CRTAC1: variants seen among roughly 807,000 people sequenced by gnomAD.
CRTAC1 encodes the protein cartilage acidic protein 1, also known as acidic secreted protein in cartilage.
A neutral mutation model predicts 67.8 loss-of-function variants in CRTAC1; 37 were observed. The observed-to-expected ratio is 0.55, with a 90% CI of 0.42 to 0.72. CRTAC1 has a LOEUF of 0.72. Ranked by LOEUF, CRTAC1 falls within the 30% of genes least tolerant of loss-of-function variation. The pLI is 0.00. For synonymous variants in CRTAC1, 348 were observed against 371.0 expected (o/e 0.94, Z 0.71); for missense variants, 780 against 931.6 (o/e 0.84, Z 2.12).
rs2050101544 is a variant in CRTAC1, at chr10:97,872,244, C to G, written c.1820-6530G>C. On this transcript the variant is annotated intron_variant, in intron 14 of 14. Transcript: ENST00000370597. Reference sequence around the variant, plus strand: ...TATACAGATGTGTCATCTGCAGACCCCTAGGGCAAGGTGCCACTGAGAAGC... The same window carrying G: ...TATACAGATGTGTCATCTGCAGACCGCTAGGGCAAGGTGCCACTGAGAAGC... Among the ~76,000 whole-genome samples the G allele has an allele frequency of 2.0e-5, 3 of 152,192 alleles. No homozygotes were observed. In the South Asian group the frequency reaches 6.2e-4, roughly 32 times the overall value.
chr10:97,885,131 C>T (rs1168406402), intron 11 of CRTAC1, among the ~76,000 whole-genome samples: 2 of 152,110 alleles, frequency 1.3e-5, no homozygotes, highest in Non-Finnish European at 2.9e-5. Context: ...CTGGGGGTTG[C>T]CAGGGCCTTG....
At chr10:97,952,206 G>T (rs191501772) in intron 2 of CRTAC1, among the ~76,000 whole-genome samples, 1,939 of 152,030 alleles carry the variant, frequency 0.013, 47 homozygotes, top group African/African-American at 0.043. Flanking sequence ...CAAAAAATTA[G>T]CCAGGTGTGG....
At chr10:97,903,569 T>C (rs2050570400) in intron 7 of CRTAC1, among the ~76,000 whole-genome samples, 3 of 152,032 alleles carry the variant, frequency 2.0e-5, no homozygotes, top group African/African-American at 7.3e-5. Context: ...GGGTGGCCTC[T>C]TCTTGGTTAC....
intron 11 of CRTAC1, among the ~76,000 whole-genome samples, chr10:97,888,122 G>A (rs1009919354): frequency 2.0e-5 from 3 of 152,134 alleles, no homozygotes; most frequent in Non-Finnish European, 4.4e-5. Flanking sequence ...CCTATCCCAC[G>A]CCCAGCAGCC....
intron 2 of CRTAC1, among the ~76,000 whole-genome samples, chr10:98,006,589 T>C (rs1013012858): frequency 1.3e-5 from 2 of 152,046 alleles, no homozygotes; most frequent in African/African-American, 4.8e-5. Flanking sequence ...TCAAAATCAA[T>C]GCTGTCAATA....
At chr10:98,012,973 C>T (rs145621305) in intron 1 of CRTAC1, among the ~76,000 whole-genome samples, 52 of 152,268 alleles carry the variant, frequency 3.4e-4, no homozygotes, top group African/African-American at 1.2e-3. Context: ...TGCAACTTGG[C>T]AGGAACTTTG....
rs116075710 is a variant in CRTAC1 at position 97,974,491 on chromosome 10, A to G, written c.224+36647T>C. On this transcript the variant is annotated intron_variant, in intron 2 of 14. Transcript: ENST00000370597. ...AGCGTCTGAATAGAATTGTGTATCC[A>G]GGACTGGCAAGTCAGCCTCTTTCGA... Among the ~76,000 whole-genome samples, 548 of 152,352 alleles carry G rather than the reference A, an allele frequency of 3.6e-3. 10 individuals are homozygous for G. Among genetic ancestry groups the G allele is most frequent in the African/African-American group, 0.013 (526 of 41,590 alleles).
intron 11 of CRTAC1, among the ~76,000 whole-genome samples, chr10:97,893,889 T>G (rs2050413513): frequency 6.6e-6 from 1 of 152,220 alleles, no homozygotes; most frequent in Admixed American, 6.5e-5. Flanking sequence ...CTTTTCTCAC[T>G]CACCATAGTG....
chr10:98,017,971 C>T (rs1445100230), intron 1 of CRTAC1, among the ~76,000 whole-genome samples: 3 of 151,466 alleles, frequency 2.0e-5, no homozygotes, highest in South Asian at 2.1e-4. Context: ...CCGAGGCAGG[C>T]GGATTGCTTG....
intron 2 of CRTAC1, among the ~76,000 whole-genome samples, chr10:97,986,711 AG>A (rs2051988509): frequency 6.6e-6 from 1 of 152,226 alleles, no homozygotes; most frequent in South Asian, 2.1e-4. Context: ...TTTTGCTACA[AG>A]ATGACAACAA....
At chr10:97,907,713 G>A (rs530358967) in intron 6 of CRTAC1, among the ~76,000 whole-genome samples, 2 of 152,258 alleles carry the variant, frequency 1.3e-5, no homozygotes, top group East Asian at 3.9e-4. Flanking sequence ...AGGATAGGTT[G>A]ATGCTGAGAG....
chr10:97,994,058 T>C (rs916394327), intron 2 of CRTAC1, among the ~76,000 whole-genome samples: 2 of 152,122 alleles, frequency 1.3e-5, no homozygotes, highest in Non-Finnish European at 2.9e-5. Context: ...GGTTTCACCG[T>C]GCTGGCCAGG....
chr10:97,949,617 C>T (rs1378475920), intron 2 of CRTAC1, among the ~76,000 whole-genome samples: 2 of 152,156 alleles, frequency 1.3e-5, no homozygotes, highest in Non-Finnish European at 2.9e-5. Flanking sequence ...CACAGAGTGG[C>T]GGAGAGAGCC....
chr10:97,994,887 T>A (rs935494578), intron 2 of CRTAC1, among the ~76,000 whole-genome samples: 2 of 152,158 alleles, frequency 1.3e-5, no homozygotes, highest in African/African-American at 2.4e-5. Context: ...CCGGCCACCT[T>A]ATCCTGTGTG....
intron 2 of CRTAC1, among the ~76,000 whole-genome samples, chr10:97,992,061 C>A (rs1842471533): frequency 6.6e-6 from 1 of 152,148 alleles, no homozygotes; most frequent in Non-Finnish European, 1.5e-5. Flanking sequence ...CTGGTGCTGT[C>A]CAGGAATCAG....
chr10:97,977,691 C>T (rs773218588), intron 2 of CRTAC1, among the ~76,000 whole-genome samples: 62 of 152,252 alleles, frequency 4.1e-4, no homozygotes, highest in Non-Finnish European at 6.8e-4. Context: ...GAATTATACG[C>T]CATTCTTGGA....
At chr10:97,919,587 A>C (rs2050806720) in intron 4 of CRTAC1, among the ~76,000 whole-genome samples, 1 of 152,046 alleles carries the variant, frequency 6.6e-6, no homozygotes, top group Admixed American at 6.5e-5. Flanking sequence ...GTGCTTTACA[A>C]ATCTTGCTAC....
intron 11 of CRTAC1, among the ~76,000 whole-genome samples, chr10:97,890,089 G>GCACACACA (rs2050345549): frequency 2.3e-5 from 1 of 43,962 alleles, no homozygotes; most frequent in Non-Finnish European, 6.2e-5. Flanking sequence ...TCCAGGATGT[G>GCACACACA]TACACACACA....
intron 8 of CRTAC1, among the ~76,000 whole-genome samples, chr10:97,898,014 G>C (rs959822228): frequency 1.3e-5 from 2 of 152,216 alleles, no homozygotes; most frequent in Non-Finnish European, 2.9e-5. Context: ...AGGTGGGCTT[G>C]TGTGTTGGTG....
Sources: allele counts gnomAD v4.1 joint callset (sites outside exome capture counted in the v4.1 genomes callset), GRCh38; gene constraint gnomAD v4.1.1; transcripts MANE v1.5; gene names NCBI Gene and HGNC (gene_info 2026-07-23, HGNC 2026-07-21).